SGCD: variants seen among roughly 807,000 people sequenced by gnomAD.
SGCD encodes the protein sarcoglycan delta.
Under a neutral mutation model 36.6 loss-of-function variants are expected in SGCD, and 18 were observed. The observed-to-expected ratio is 0.49, with a 90% CI of 0.34 to 0.73. The LOEUF is 0.73. Ranked by LOEUF, SGCD falls within the 30% of genes least tolerant of loss-of-function variation. The pLI, the probability that SGCD is intolerant of heterozygous loss-of-function variation, is 0.01. For synonymous variants in SGCD, 133 were observed against 130.6 expected (o/e 1.02, Z -0.12); for missense variants, 387 against 346.7 (o/e 1.12, Z -0.92).
At chr5:156,667,262 GAGAC>G (rs1413120130) in intron 7 of SGCD, among the ~76,000 whole-genome samples, 1 of 152,192 alleles carries the variant, frequency 6.6e-6, no homozygotes, top group Non-Finnish European at 1.5e-5. Flanking sequence ...AAGAGACAGA[GAGAC>G]AGACAGACAC....
chr5:156,104,909 G>A (rs1275338770), intron 1 of SGCD, among the ~76,000 whole-genome samples: 1 of 151,976 alleles, frequency 6.6e-6, no homozygotes, highest in East Asian at 1.9e-4. Flanking sequence ...TGGAAAGCAG[G>A]ATACAGAGAA....
intron 3 of SGCD, among the ~76,000 whole-genome samples, chr5:156,368,468 C>A (rs909293577): frequency 2.0e-5 from 3 of 152,200 alleles, no homozygotes; most frequent in Admixed American, 2.0e-4. Context: ...CCAGAAGAAA[C>A]CTCTACCGTA....
rs145927722 is a variant in SGCD, at chr5:155,911,319, G to GTGTGTGTGTGTGTA, written c.-282+40896_-282+40897insGTGTGTGTGTGTAT. Among the ~76,000 whole-genome samples the GTGTGTGTGTGTGTA allele has an allele frequency of 6.4e-5, 9 of 141,444 alleles. No individual in the cohort carries two copies. In the East Asian group the frequency reaches 1.7e-3, roughly 27 times the overall value. The allele number at this position is 141,444 out of a possible 152,430, so 92.8% of individuals were successfully genotyped here. On this transcript the variant is annotated intron_variant, in intron 1 of 9. Coordinates refer to the SGCD transcript ENST00000517913. ...TGTGTGTGTGTGTGTGTGTGTGTGT[G>GTGTGTGTGTGTGTA]TATATATATATATATATTTCCCCCA...
the SGCD span, among the ~76,000 whole-genome samples, chr5:155,740,438 T>C: frequency 2.6e-5 from 4 of 152,292 alleles, no homozygotes; most frequent in East Asian, 7.7e-4. Context: ...TGAAAAGCAT[T>C]ATTAGTCTGG....
intron 3 of SGCD, among the ~76,000 whole-genome samples, chr5:156,285,985 C>T (rs943670283): frequency 1.4e-4 from 22 of 152,116 alleles, no homozygotes; most frequent in East Asian, 1.9e-4. Context: ...AAGAAAAAAA[C>T]GAACAACCCT....
At chr5:156,301,360 AAACT>A (rs1767049781) in intron 3 of SGCD, among the ~76,000 whole-genome samples, 1 of 152,134 alleles carries the variant, frequency 6.6e-6, no homozygotes, top group Non-Finnish European at 1.5e-5. Flanking sequence ...AAAAAGAAAC[AAACT>A]AACAAAGAGA....
At chr5:156,376,420 G>A (rs1281003836) in intron 3 of SGCD, among the ~76,000 whole-genome samples, 2 of 152,206 alleles carry the variant, frequency 1.3e-5, no homozygotes, top group Non-Finnish European at 2.9e-5. Context: ...TTAAGTAGCA[G>A]CTTCAAAATA....
chr5:156,235,720 A>G (rs897794311), intron 3 of SGCD, among the ~76,000 whole-genome samples: 4 of 152,222 alleles, frequency 2.6e-5, no homozygotes, highest in Non-Finnish European at 5.9e-5. Context: ...TGACTGTATT[A>G]TATAAAAGTT....
the SGCD span, among the ~76,000 whole-genome samples, chr5:155,858,115 A>G: frequency 6.6e-6 from 1 of 152,186 alleles, no homozygotes; most frequent in Non-Finnish European, 1.5e-5. Flanking sequence ...GTATATATGT[A>G]TATGTAAGCT....
At chr5:156,537,504 CACAG>C (rs1422637604) in intron 4 of SGCD, among the ~76,000 whole-genome samples, 3,205 of 143,366 alleles carry the variant, frequency 0.022, 160 homozygotes, top group African/African-American at 0.079. Context: ...CACACACACA[CACAG>C]GTATATATAT....
chr5:156,241,478 A>G (rs752775012), intron 3 of SGCD, among the ~76,000 whole-genome samples: 4 of 152,158 alleles, frequency 2.6e-5, no homozygotes, highest in Non-Finnish European at 4.4e-5. Flanking sequence ...TGGGCTTACC[A>G]AGAACATGTA....
intron 3 of SGCD, among the ~76,000 whole-genome samples, chr5:156,138,652 A>G (rs1762512113): frequency 6.6e-6 from 1 of 152,222 alleles, no homozygotes; most frequent in African/African-American, 2.4e-5. Context: ...CACTATTAGA[A>G]ACATTTGTGA....
At position 155,971,789 on chromosome 5, in the gene SGCD, G is replaced by T. The variant is rs147526280; in HGVS notation, c.-282+101365G>T. On this transcript the variant is annotated intron_variant, in intron 1 of 9. Transcript: ENST00000517913. ...TTACCTGCATTGACTCATTCGCTTT[G>T]CATGGTGGCTATCCTGGGAAATAAG... Among the ~76,000 whole-genome samples, 269 of 152,198 alleles carry T rather than the reference G, an allele frequency of 1.8e-3. 3 individuals carry two copies. The South Asian group carries it at 0.028, about 16-fold the overall frequency.
chr5:155,753,547 AT>A, the SGCD span, among the ~76,000 whole-genome samples: 5 of 151,298 alleles, frequency 3.3e-5, no homozygotes, highest in African/African-American at 1.2e-4. Context: ...TTGCAAACAC[AT>A]TTTTTTTTCT....
At chr5:156,154,970 A>C (rs557145088) in intron 3 of SGCD, among the ~76,000 whole-genome samples, 1 of 151,782 alleles carries the variant, frequency 6.6e-6, no homozygotes, top group South Asian at 2.1e-4. Flanking sequence ...CAATGTCTGC[A>C]GGGATGAGGC....
intron 3 of SGCD, among the ~76,000 whole-genome samples, chr5:156,135,130 A>G (rs1486960549): frequency 1.3e-5 from 2 of 152,186 alleles, no homozygotes; most frequent in Non-Finnish European, 2.9e-5. Context: ...GGATAAATAT[A>G]TTGCAGAATG....
chr5:156,219,677 G>C (rs372513370), intron 3 of SGCD, among the ~76,000 whole-genome samples: 1 of 152,136 alleles, frequency 6.6e-6, no homozygotes, highest in African/African-American at 2.4e-5. Context: ...AAGCCTTAGC[G>C]CTTAGTGCTG....
intron 3 of SGCD, chr5:156,393,684 C>T: frequency 2.2e-6 from 1 of 453,824 alleles, no homozygotes; most frequent in South Asian, 1.6e-5. Flanking sequence ...TTAAGATCAT[C>T]CATCTCCCAG....
chr5:156,509,830 T>C (rs1438032589), intron 4 of SGCD, among the ~76,000 whole-genome samples: 4 of 152,168 alleles, frequency 2.6e-5, no homozygotes, highest in Admixed American at 6.5e-5. Flanking sequence ...ATTGGTTGGT[T>C]TCATTTATTT....
Sources: allele counts gnomAD v4.1 joint callset (sites outside exome capture counted in the v4.1 genomes callset), GRCh38; gene constraint gnomAD v4.1.1; transcripts MANE v1.5; gene names NCBI Gene and HGNC (gene_info 2026-07-23, HGNC 2026-07-21).